The following RELN variants were observed in gnomAD, a reference collection of about 807,000 sequenced individuals.
RELN encodes the protein reelin.
A neutral mutation model predicts 427.6 loss-of-function variants in RELN; 108 were observed. That is an observed-to-expected ratio of 0.25 (90% CI 0.22 to 0.30). The LOEUF is 0.30. RELN is among the 10% of genes least tolerant of loss of function. The probability of loss-of-function intolerance (pLI) is 1.00; values close to 1 mark genes in which losing one functional copy is unlikely to be tolerated. For synonymous variants in RELN, 1,524 were observed against 1,513.4 expected, an observed-to-expected ratio of 1.01 and a Z score of -0.16; for missense variants, 3,715 against 4,302.8, an observed-to-expected ratio of 0.86 and a Z score of 3.82.
In RELN at chr7:103,989,292, C is replaced by T. The variant is rs139532757; in HGVS notation, c.65G>A (p.Arg22Lys). 4.3e-6 allele frequency: 7 copies of T among 1,612,812 alleles called. No individual in the cohort carries two copies. Among genetic ancestry groups the T allele is most frequent in the East Asian group, 2.2e-5 (1 of 44,826 alleles). ...GTAATAGCCAGCCGCCGCGCGCGCCCTCAGCGTCGCCCCCAGCAACAGCGC... is the reference window on the plus strand; with the variant it reads ...GTAATAGCCAGCCGCCGCGCGCGCCTTCAGCGTCGCCCCCAGCAACAGCGC... ...LLALLLGATLRARAAAGYYPR... is the reference protein window; with the variant it reads ...LLALLLGATLKARAAAGYYPR... Residue 22 changes from arginine (R) to lysine (K), a missense_variant, in exon 1 of 65, where the codon AGG becomes AAG. Transcript: ENST00000428762. This position sits in a 1 kb window ranked among gnomAD's most constrained non-coding sequence, Gnocchi z 4.9.
chr7:103,557,413 T>C (rs531737957), intron 37 of RELN, among the ~76,000 whole-genome samples: 1 of 152,352 alleles, frequency 6.6e-6, no homozygotes, highest in South Asian at 2.1e-4. Context: ...CAGGCATCTT[T>C]CTGTATTTAG....
intron 28 of RELN, among the ~76,000 whole-genome samples, chr7:103,587,374 T>A (rs1010717078): frequency 3.9e-5 from 6 of 152,068 alleles, no homozygotes; most frequent in African/African-American, 1.4e-4. Context: ...TATACAAAAA[T>A]CAACTCAAAA....
At chr7:103,483,873 CTTTATT>C (rs753964657) in intron 61 of RELN, 23 bp from the exon 62 acceptor site, 9 of 1,608,080 alleles carry the variant, frequency 5.6e-6, no homozygotes, top group East Asian at 4.5e-5. Context: ...GGGAAATCAT[CTTTATT>C]TTTATTTATT....
At chr7:103,681,717 C>G (rs1251945645) in intron 11 of RELN, among the ~76,000 whole-genome samples, 1 of 152,050 alleles carries the variant, frequency 6.6e-6, no homozygotes, top group Non-Finnish European at 1.5e-5. Flanking sequence ...TAGATCAAAG[C>G]CACATTCCAA....
chr7:103,893,184 C>A (rs576526025), intron 2 of RELN, among the ~76,000 whole-genome samples: 4 of 152,154 alleles, frequency 2.6e-5, no homozygotes, highest in Admixed American at 1.3e-4. Context: ...GATGCCAGCA[C>A]TCAGCTAGGG....
intron 1 of RELN, among the ~76,000 whole-genome samples, chr7:103,966,266 G>A (rs1796658935): frequency 6.6e-6 from 1 of 151,768 alleles, no homozygotes; most frequent in African/African-American, 2.4e-5. Flanking sequence ...TCTCCCAGCA[G>A]CTCAGGGTAC....
Position 103,892,506 on chromosome 7 carries a change from C to T in RELN, c.337+24569G>A, listed in dbSNP as rs1157745528. 2.0e-5 allele frequency among the ~76,000 whole-genome samples: 3 copies of T among 152,162 alleles called. No individual in the cohort carries two copies. The East Asian group carries it at 5.8e-4, about 29-fold the overall frequency. The stretch of plus-strand genomic sequence containing the variant: ...CAATTCTTCCCCATGACACCACAGT[C>T]ATGGGGAAATATATCCACTTTCCAG... On this transcript the variant is annotated intron_variant, in intron 2 of 64. Coordinates refer to ENST00000428762, the MANE Select transcript of RELN (RefSeq NM_005045.4).
intron 3 of RELN, among the ~76,000 whole-genome samples, chr7:103,786,600 A>G (rs567805751): frequency 3.9e-5 from 6 of 152,168 alleles, no homozygotes; most frequent in Non-Finnish European, 5.9e-5. Flanking sequence ...CAAAAAAGAC[A>G]AAGAAGGGCA....
At chr7:103,514,665 A>AG (rs1491429473) in intron 50 of RELN, among the ~76,000 whole-genome samples, 1 of 147,762 alleles carries the variant, frequency 6.8e-6, no homozygotes, top group African/African-American at 2.7e-5. Context: ...CTTAAAAAAA[A>AG]GAGAGGAGTA....
rs535819205 is a variant in RELN at position 103,973,131 on chromosome 7, C to T, written c.226+16000G>A. ...TTTAAGTAAAGGCATCTGGCATTTG[C>T]ACTCAACTGTCACAGCCAGTAGTGA... On this transcript the variant is annotated intron_variant, in intron 1 of 64. Coordinates refer to ENST00000428762, the MANE Select transcript of RELN (RefSeq NM_005045.4). Among the ~76,000 whole-genome samples, 11 of 152,284 alleles carry T rather than the reference C, an allele frequency of 7.2e-5. No homozygotes were observed. The South Asian group carries it at 1.9e-3, about 26-fold the overall frequency.
intron 11 of RELN, among the ~76,000 whole-genome samples, chr7:103,674,798 T>G (rs1237017443): frequency 1.3e-5 from 2 of 152,182 alleles, no homozygotes; most frequent in Admixed American, 1.3e-4. Context: ...CATGATTATC[T>G]CAATAGACAC....
intron 38 of RELN, among the ~76,000 whole-genome samples, chr7:103,555,770 G>A (rs955719658): frequency 6.6e-6 from 1 of 152,180 alleles, no homozygotes; most frequent in Non-Finnish European, 1.5e-5. Flanking sequence ...ACTGCGCCTG[G>A]CACATTCCTT....
At position 103,510,834 on chromosome 7, in the gene RELN, A is replaced by G. The variant is rs1318066609; in HGVS notation, c.8274+17T>C. 6.2e-7 allele frequency: 1 copy of G among 1,601,130 alleles called. No individual in the cohort carries two copies. Among genetic ancestry groups the G allele is most frequent in the Admixed American group, 1.7e-5 (1 of 59,934 alleles). On this transcript the variant is annotated intron_variant, in intron 51 of 64. Transcript: ENST00000428762. ...TAATGTATGGTTGTTTATATAATCA[A>G]GATCATAACATTTCACCTTGAATTG...
In RELN at chr7:103,482,908, A is replaced by G; in HGVS notation, c.10245T>C (p.His3415=). The change falls in exon 63 of 65, where the codon CAT becomes CAC. Residue 3415 remains histidine, a synonymous_variant. Transcript: ENST00000428762. ...WWQPRHNGTG[H]DQWALDHVEV... ...CCACATGGTCCAAAGCCCATTGATCATGACCTGTTCCATTGTGGCGTGGTT... is the reference window on the plus strand; with the variant it reads ...CCACATGGTCCAAAGCCCATTGATCGTGACCTGTTCCATTGTGGCGTGGTT... The G allele has an allele frequency of 6.2e-7, 1 of 1,614,218 alleles. No individual in the cohort carries two copies.
chr7:103,721,799 C>T (rs1000533661), intron 8 of RELN, among the ~76,000 whole-genome samples: 12 of 152,020 alleles, frequency 7.9e-5, no homozygotes, highest in Non-Finnish European at 1.6e-4. Flanking sequence ...CATTATTAAC[C>T]ATTATTCAGC....
chr7:103,565,929 A>C (rs1272331377), intron 33 of RELN, among the ~76,000 whole-genome samples: 2 of 152,096 alleles, frequency 1.3e-5, no homozygotes, highest in African/African-American at 4.8e-5. Flanking sequence ...TTTTAAACAT[A>C]GAGTCTTAAG....
chr7:103,986,767 A>C (rs1797107094), intron 1 of RELN, among the ~76,000 whole-genome samples: 2 of 152,200 alleles, frequency 1.3e-5, no homozygotes. Context: ...AAGATCCAGA[A>C]GGTTAGAAAT....
At chr7:103,642,619 A>C (rs1228532154) in intron 16 of RELN, among the ~76,000 whole-genome samples, 1 of 152,140 alleles carries the variant, frequency 6.6e-6, no homozygotes, top group Non-Finnish European at 1.5e-5. Context: ...ATGTGTAGTG[A>C]ACACTTTCTG....
At chr7:103,733,304 G>C (rs997959131) in intron 6 of RELN, among the ~76,000 whole-genome samples, 33 of 150,356 alleles carry the variant, frequency 2.2e-4, no homozygotes, top group Non-Finnish European at 3.0e-5. Flanking sequence ...GTGCTGGAGA[G>C]GATGTGGAGA....
Sources: allele counts gnomAD v4.1 joint callset (sites outside exome capture counted in the v4.1 genomes callset), GRCh38; gene constraint gnomAD v4.1.1; non-coding constraint Gnocchi (gnomAD v3.1); transcripts MANE v1.5; gene names NCBI Gene and HGNC (gene_info 2026-07-23, HGNC 2026-07-21).